Variants in PCLO observed in about 807,000 individuals in gnomAD.
PCLO encodes the protein protein piccolo.
In PCLO, 82 loss-of-function variants were observed where a neutral mutation model predicts 427.5. That is an observed-to-expected ratio of 0.19 (90% CI 0.16 to 0.23). The LOEUF (loss-of-function observed/expected upper bound fraction) is 0.23. PCLO is among the 10% of genes least tolerant of loss of function. PCLO has a pLI of 1.00. For missense variants in PCLO, 6,239 were observed against 6,115.9 expected, an observed-to-expected ratio of 1.02 and a Z score of -0.67; for synonymous variants, 2,357 against 2,155.4, an observed-to-expected ratio of 1.09 and a Z score of -2.59.
intron 22 of PCLO, among the ~76,000 whole-genome samples, chr7:82,779,281 T>A (rs1790819847): frequency 6.6e-6 from 1 of 152,164 alleles, no homozygotes; most frequent in Non-Finnish European, 1.5e-5. Context: ...TTTTTCTCTT[T>A]GTCTGGTTTT....
chr7:82,852,804 A>G (rs567869652), intron 10 of PCLO, among the ~76,000 whole-genome samples: 2 of 152,244 alleles, frequency 1.3e-5, no homozygotes, highest in African/African-American at 4.8e-5. Flanking sequence ...GTGCTATTGA[A>G]CACTGGATCT....
intron 6 of PCLO, among the ~76,000 whole-genome samples, chr7:82,918,747 A>G (rs922711173): frequency 1.3e-5 from 2 of 152,050 alleles, no homozygotes; most frequent in Non-Finnish European, 2.9e-5. Flanking sequence ...CCTATTCTAC[A>G]TGATTATGAT....
At chr7:83,050,227 A>ACAAAAACAAAAACAAAAAC (rs1789206136) in intron 3 of PCLO, among the ~76,000 whole-genome samples, 8 of 85,648 alleles carry the variant, frequency 9.3e-5, no homozygotes, top group African/African-American at 3.0e-4. Context: ...AAAAAAAAAA[A>ACAAAAACAAAAACAAAAAC]AAAAAAAAAA....
chr7:83,068,504 G>A (rs1283772591), intron 3 of PCLO, among the ~76,000 whole-genome samples: 6 of 152,042 alleles, frequency 3.9e-5, no homozygotes, highest in African/African-American at 1.4e-4. Context: ...GAAGACATAC[G>A]AATGACCAAC....
chr7:83,133,273 C>G (rs928361697), intron 3 of PCLO, among the ~76,000 whole-genome samples: 2 of 151,810 alleles, frequency 1.3e-5, no homozygotes, highest in African/African-American at 4.8e-5. Flanking sequence ...ATAACAAAAT[C>G]AAGGACATTG....
intron 22 of PCLO, among the ~76,000 whole-genome samples, chr7:82,800,072 G>C (rs1791311183): frequency 6.6e-6 from 1 of 152,060 alleles, no homozygotes; most frequent in South Asian, 2.1e-4. Context: ...ACAGAGATAC[G>C]GTAGGTAAAA....
intron 3 of PCLO, among the ~76,000 whole-genome samples, chr7:83,070,904 T>C (rs1196110443): frequency 1.3e-5 from 2 of 152,184 alleles, no homozygotes; most frequent in Non-Finnish European, 1.5e-5. Context: ...TTTAATAAAG[T>C]CTAATATTAT....
At chr7:83,114,070 A>C (rs1791070839) in intron 3 of PCLO, among the ~76,000 whole-genome samples, 1 of 152,166 alleles carries the variant, frequency 6.6e-6, no homozygotes, top group Non-Finnish European at 1.5e-5. Context: ...CTAAGTCTCC[A>C]TGGTAGTCTT....
rs150669313 is a variant in PCLO at position 82,915,754 on chromosome 7, G to A, written c.12232C>T (p.Arg4078Cys). 5.8e-5 allele frequency: 93 copies of A among 1,611,838 alleles called. No homozygotes were observed. The highest frequency in any genetic ancestry group is 1.1e-4 in the East Asian group (5 of 44,616). Reference sequence around the variant, plus strand: ...CGTGTCTCAGTGGTTCGAAGGAGACGGTCTGTTTTTGACAGATCCTTTTCA... The same window carrying A: ...CGTGTCTCAGTGGTTCGAAGGAGACAGTCTGTTTTTGACAGATCCTTTTCA... ...LHEKDLSKTDRLLRTTETRRS... is the reference protein window; with the variant it reads ...LHEKDLSKTDCLLRTTETRRS... The change falls in exon 7 of 25, where the codon CGT becomes TGT. Residue 4078 changes from arginine to cysteine, a missense_variant. Coordinates refer to ENST00000333891, the MANE Select transcript of PCLO (RefSeq NM_033026.6).
At chr7:82,777,111 G>A (rs1402870995) in intron 22 of PCLO, among the ~76,000 whole-genome samples, 4 of 151,976 alleles carry the variant, frequency 2.6e-5, no homozygotes, top group Non-Finnish European at 5.9e-5. Context: ...GTTCTCAATA[G>A]TTTCAAAGAA....
At chr7:82,907,975 T>C (rs1794231494) in intron 8 of PCLO, among the ~76,000 whole-genome samples, 1 of 152,054 alleles carries the variant, frequency 6.6e-6, no homozygotes, top group African/African-American at 2.4e-5. Flanking sequence ...TCTATATGGA[T>C]CTTCTCAGTT....
rs373227645 is a variant in PCLO at position 82,955,159 on chromosome 7, G to A, written c.5794C>T (p.Pro1932Ser). Residue 1932 changes from proline (P) to serine (S), a missense_variant, in exon 5 of 25, where the codon CCA (proline) becomes TCA (serine). Pro to Ser is a moderately conservative substitution (Grantham distance 74, BLOSUM62 -1). Transcript: ENST00000333891. Reference sequence around the variant, plus strand: ...ACTTCATCTCGTTCATTTGCAGCTGGAAAAGCTTTGTATTTGTGTGTTTTA... The same window carrying A: ...ACTTCATCTCGTTCATTTGCAGCTGAAAAAGCTTTGTATTTGTGTGTTTTA... ...MHKTHKYKAF[P>S]AANERDEVFE... 4.3e-6 allele frequency: 7 copies of A among 1,613,752 alleles called. No homozygotes were observed. In the African/African-American group the frequency reaches 5.3e-5, roughly 12 times the overall value.
intron 8 of PCLO, among the ~76,000 whole-genome samples, chr7:82,905,876 C>G (rs1278833123): frequency 6.6e-6 from 1 of 151,808 alleles, no homozygotes; most frequent in African/African-American, 2.4e-5. Context: ...TTTACAACCA[C>G]CCTGTGAAAG....
At chr7:83,134,097 A>T (rs192446551) in intron 3 of PCLO, among the ~76,000 whole-genome samples, 153 bp downstream of exon 3, 100 of 151,692 alleles carry the variant, frequency 6.6e-4, no homozygotes, top group African/African-American at 2.2e-3. Flanking sequence ...GTAAGCTGGT[A>T]ATAAGTAATT....
intron 10 of PCLO, among the ~76,000 whole-genome samples, chr7:82,854,449 A>C (rs995614041): frequency 2.6e-5 from 4 of 152,136 alleles, no homozygotes; most frequent in Non-Finnish European, 5.9e-5. Context: ...TCTTCATAAT[A>C]TAAAGATAAT....
intron 3 of PCLO, among the ~76,000 whole-genome samples, chr7:83,043,414 C>T (rs1583948979): frequency 6.6e-6 from 1 of 152,134 alleles, no homozygotes; most frequent in African/African-American, 2.4e-5. Flanking sequence ...GAAATACATG[C>T]AATGCATAAG....
rs1447885482 is a variant in PCLO at position 82,758,229 on chromosome 7, T to G, written c.*346A>C. 5.9e-6 allele frequency: 1 copy of G among 169,244 alleles called. No individual in the cohort carries two copies. The highest frequency in any genetic ancestry group is 1.3e-5 in the Non-Finnish European group (1 of 79,792). 10.5% of individuals were successfully genotyped at this position (169,244 alleles called of 1,614,324 possible). A position where few individuals can be genotyped will look rare whatever the true frequency, so the allele number is the denominator to read the frequency against. On this transcript the variant is annotated 3_prime_UTR_variant, in exon 25 of 25. Transcript: ENST00000333891. ...CATAAAGAATTACCTTTGTGCTGCA[T>G]GAAAACCACATTAATCTTTGAGCCT...
intron 3 of PCLO, among the ~76,000 whole-genome samples, chr7:83,120,773 T>C (rs1161291614): frequency 6.6e-6 from 1 of 152,048 alleles, no homozygotes; most frequent in Non-Finnish European, 1.5e-5. Flanking sequence ...GAAATGAAGA[T>C]TCCCAGACAA....
At chr7:82,897,397 C>T (rs1035513574) in intron 9 of PCLO, among the ~76,000 whole-genome samples, 8 of 151,316 alleles carry the variant, frequency 5.3e-5, no homozygotes, top group African/African-American at 1.9e-4. Context: ...AATTATGAAC[C>T]ATTTAATAGA....
Sources: allele counts gnomAD v4.1 joint callset (sites outside exome capture counted in the v4.1 genomes callset), GRCh38; gene constraint gnomAD v4.1.1; transcripts MANE v1.5; gene names NCBI Gene and HGNC (gene_info 2026-07-23, HGNC 2026-07-21).